LRBA: variants seen among roughly 807,000 people sequenced by gnomAD.
The protein encoded by LRBA is lipopolysaccharide-responsive and beige-like anchor protein.
Under a neutral mutation model 330.0 loss-of-function variants are expected in LRBA, and 176 were observed. The observed-to-expected ratio is 0.53, with a 90% CI of 0.47 to 0.60. The LOEUF (loss-of-function observed/expected upper bound fraction) is 0.60, where lower values mean the gene tolerates loss of function less well. Ranked by LOEUF, LRBA falls within the 20% of genes least tolerant of loss-of-function variation. The probability of loss-of-function intolerance (pLI) is 0.00; values close to 1 mark genes in which losing one functional copy is unlikely to be tolerated. For missense variants in LRBA, 3,259 were observed against 3,444.8 expected (o/e 0.95, Z 1.35); for synonymous variants, 1,230 against 1,193.0 (o/e 1.03, Z -0.64).
intron 22 of LRBA, among the ~76,000 whole-genome samples, chr4:150,865,415 AGT>A (rs1000319964): frequency 7.2e-5 from 11 of 152,238 alleles, no homozygotes; most frequent in Non-Finnish European, 1.5e-4. Flanking sequence ...AAGGAATGGT[AGT>A]GGATACATTC....
chr4:150,846,916 T>C (rs931194274), intron 26 of LRBA, among the ~76,000 whole-genome samples: 25 of 152,320 alleles, frequency 1.6e-4, no homozygotes, highest in Admixed American at 1.4e-3. Flanking sequence ...AGTATTTCCC[T>C]AGCCTCTGAA....
At chr4:150,771,465 C>T (rs1344674280) in intron 34 of LRBA, among the ~76,000 whole-genome samples, 3 of 152,126 alleles carry the variant, frequency 2.0e-5, no homozygotes, top group Admixed American at 6.6e-5. Context: ...AGAAGCAATG[C>T]TAAGCAATAC....
At chr4:150,748,948 C>T (rs564719053) in intron 35 of LRBA, among the ~76,000 whole-genome samples, 1 of 152,240 alleles carries the variant, frequency 6.6e-6, no homozygotes, top group South Asian at 2.1e-4. Context: ...AAGACCCAGC[C>T]CTCATCACAC....
At chr4:150,434,845 G>A (rs559884463) in intron 46 of LRBA, among the ~76,000 whole-genome samples, 108 of 151,146 alleles carry the variant, frequency 7.1e-4, no homozygotes, top group African/African-American at 2.5e-3. Context: ...GTGACAAAGC[G>A]AGACCTTGTT....
In LRBA at chr4:150,455,698, C is replaced by T. The variant is rs550968152; in HGVS notation, c.6780+11975G>A. ...ATATTTTTAATTATTTTTAAATGTACAATTATATTAGTGTTGACTATAGTC... is the reference window on the plus strand; with the variant it reads ...ATATTTTTAATTATTTTTAAATGTATAATTATATTAGTGTTGACTATAGTC... On this transcript the variant is annotated intron_variant, in intron 44 of 56. Coordinates refer to ENST00000651943, the MANE Select transcript of LRBA (RefSeq NM_001364905.1). 8.5e-5 allele frequency among the ~76,000 whole-genome samples: 13 copies of T among 152,072 alleles called. No homozygotes were observed. The East Asian group carries it at 2.5e-3, about 29-fold the overall frequency.
intron 22 of LRBA, among the ~76,000 whole-genome samples, chr4:150,864,386 T>C (rs1170038099): frequency 6.6e-6 from 1 of 152,156 alleles, no homozygotes; most frequent in Non-Finnish European, 1.5e-5. Context: ...ATATATAATA[T>C]AAATAACATT....
At chr4:150,472,268 C>G (rs1056399591) in intron 42 of LRBA, among the ~76,000 whole-genome samples, 1 of 151,874 alleles carries the variant, frequency 6.6e-6, no homozygotes, top group Non-Finnish European at 1.5e-5. Context: ...GACAAATTTT[C>G]CTGTAGCCTC....
At chr4:150,470,862 CA>C (rs1181977432) in intron 43 of LRBA, among the ~76,000 whole-genome samples, 2 of 125,114 alleles carry the variant, frequency 1.6e-5, no homozygotes, top group Admixed American at 8.5e-5. Context: ...CACACACACA[CA>C]CACACACACA....
intron 42 of LRBA, among the ~76,000 whole-genome samples, chr4:150,483,886 G>T (rs1757578881): frequency 6.6e-6 from 1 of 151,898 alleles, no homozygotes; most frequent in Admixed American, 6.6e-5. Flanking sequence ...TTTATTTTTT[G>T]ATAGTATTTA....
intron 37 of LRBA, among the ~76,000 whole-genome samples, chr4:150,648,157 G>GAAAAAAAAAAAAAAAAAAAAA (rs1561468268): frequency 1.9e-4 from 1 of 5,238 alleles, no homozygotes; most frequent in African/African-American, 2.5e-4. Flanking sequence ...AACACAAGTA[G>GAAAAAAAAAAAAAAAAAAAAA]CAAAAAAAAA....
chr4:150,599,617 T>A (rs978721784), intron 37 of LRBA, among the ~76,000 whole-genome samples: 3 of 152,212 alleles, frequency 2.0e-5, no homozygotes, highest in Non-Finnish European at 4.4e-5. Flanking sequence ...GGTCAGTAAA[T>A]CATACCATGA....
At position 150,905,983 on chromosome 4, in the gene LRBA, T is replaced by C. The variant is rs369645073; in HGVS notation, c.1610A>G (p.Lys537Arg). 4.3e-6 allele frequency: 7 copies of C among 1,612,816 alleles called. No individual in the cohort carries two copies. The African/African-American group carries it at 5.3e-5, about 12-fold the overall frequency. The change falls in exon 13 of 57, where the codon AAA becomes AGA. Residue 537 changes from lysine to arginine, a missense_variant. Coordinates refer to ENST00000651943, the MANE Select transcript of LRBA (RefSeq NM_001364905.1). ...VIGYSLEKSS[K>R]SHVSRAVLEL... ...AAGTACTGCTCTGCTAACATGAGATTTGGAAGACTGCAAAAAAAGTAGTTC... is the reference window on the plus strand; with the variant it reads ...AAGTACTGCTCTGCTAACATGAGATCTGGAAGACTGCAAAAAAAGTAGTTC...
intron 53 of LRBA, among the ~76,000 whole-genome samples, chr4:150,295,485 C>A (rs1580929801): frequency 6.6e-6 from 1 of 152,190 alleles, no homozygotes; most frequent in Non-Finnish European, 1.5e-5. Context: ...GCATGAGCCA[C>A]TGTGCCCGGC....
chr4:150,434,226 C>A (rs1283418762), intron 46 of LRBA, among the ~76,000 whole-genome samples: 2 of 151,896 alleles, frequency 1.3e-5, no homozygotes, highest in Non-Finnish European at 2.9e-5. Context: ...TCTCATTATA[C>A]TTAATAGATC....
At chr4:150,496,373 C>G (rs941326281) in intron 40 of LRBA, among the ~76,000 whole-genome samples, 5 of 151,798 alleles carry the variant, frequency 3.3e-5, no homozygotes, top group African/African-American at 1.2e-4. Flanking sequence ...AAATAGAAAC[C>G]AACACTCACT....
chr4:150,713,217 T>C (rs1786411684), intron 36 of LRBA, among the ~76,000 whole-genome samples: 1 of 152,196 alleles, frequency 6.6e-6, no homozygotes, highest in South Asian at 2.1e-4. Flanking sequence ...ATTATAGGCA[T>C]GAGCCACTGC....
At position 150,445,034 on chromosome 4, in the gene LRBA, G is replaced by A. The variant is rs373260294; in HGVS notation, c.6781-8170C>T. 5.3e-5 allele frequency among the ~76,000 whole-genome samples: 8 copies of A among 152,028 alleles called. No individual in the cohort carries two copies. The South Asian group carries it at 1.5e-3, about 28-fold the overall frequency. On this transcript the variant is annotated intron_variant, in intron 44 of 56. Coordinates refer to ENST00000651943, the MANE Select transcript of LRBA (RefSeq NM_001364905.1). ...CCATAGACAGTCCAAAAAATCCAAG[G>A]ATAATTACTAAAAATGTTTTAAGTT...
chr4:150,985,994 T>C (rs1409078552), intron 2 of LRBA, among the ~76,000 whole-genome samples: 1 of 152,190 alleles, frequency 6.6e-6, no homozygotes, highest in Non-Finnish European at 1.5e-5. Context: ...AAAGTGCTTT[T>C]TTTTTGGTAG....
At chr4:150,963,407 C>G (rs1738411265) in intron 2 of LRBA, among the ~76,000 whole-genome samples, 1 of 149,734 alleles carries the variant, frequency 6.7e-6, no homozygotes, top group African/African-American at 2.6e-5. Context: ...GGCTGGTCTC[C>G]AGCTCCTGAC....
Sources: allele counts gnomAD v4.1 joint callset (sites outside exome capture counted in the v4.1 genomes callset), GRCh38; gene constraint gnomAD v4.1.1; transcripts MANE v1.5; gene names NCBI Gene and HGNC (gene_info 2026-07-23, HGNC 2026-07-21).